Variants in TPCN1 observed in about 807,000 individuals in gnomAD.
TPCN1 encodes two pore channel protein 1.
Under a neutral mutation model 108.8 loss-of-function variants are expected in TPCN1, and 52 were observed. That is an observed-to-expected ratio of 0.48 (90% CI 0.38 to 0.60). TPCN1 has a LOEUF of 0.60. TPCN1 is among the 20% of genes least tolerant of loss of function. The probability of loss-of-function intolerance (pLI) is 0.00; values close to 1 mark genes in which losing one functional copy is unlikely to be tolerated. For synonymous variants in TPCN1, 446 were observed against 433.7 expected, an observed-to-expected ratio of 1.03 and a Z score of -0.35; for missense variants, 806 against 1,072.8, an observed-to-expected ratio of 0.75 and a Z score of 3.47.
intron 2 of TPCN1, among the ~76,000 whole-genome samples, chr12:113,244,966 A>C (rs576814385): frequency 6.6e-6 from 1 of 152,228 alleles, no homozygotes. Flanking sequence ...GTGTGTGTTT[A>C]AGAAAATGAG....
In TPCN1 at chr12:113,277,298, G is replaced by A. The variant is rs776892591; in HGVS notation, c.1118G>A (p.Arg373Gln). 1.9e-5 allele frequency: 31 copies of A among 1,614,120 alleles called. No individual in the cohort carries two copies. The highest frequency in any genetic ancestry group is 3.3e-5 in the Admixed American group (2 of 60,020). The change falls in exon 12 of 28, where the codon CGG becomes CAG. Residue 373 changes from arginine (R) to glutamine (Q), a missense_variant. By Grantham distance (43) the Arg-to-Gln change is conservative (BLOSUM62 1). Coordinates refer to ENST00000335509, the MANE Select transcript of TPCN1 (RefSeq NM_017901.6). ...GGCCTCATGCGCTTCTACAAGCCCC[G>A]GATGAGTGCCAGGGAGCGCTATCTT... ...FEGLMRFYKP[R>Q]MSARERYLTF...
At chr12:113,260,762 C>T (rs1378541678) in intron 3 of TPCN1, among the ~76,000 whole-genome samples, 2 of 152,250 alleles carry the variant, frequency 1.3e-5, no homozygotes, top group African/African-American at 4.8e-5. Context: ...CCCTGCCACC[C>T]TCCCTCTTCT....
At chr12:113,246,172 T>C (rs1287527977) in intron 2 of TPCN1, 2 of 393,578 alleles carry the variant, frequency 5.1e-6, no homozygotes, top group African/African-American at 4.1e-5. Context: ...CAGCTGTTTC[T>C]TTCCACTCCT....
intron 7 of TPCN1, among the ~76,000 whole-genome samples, chr12:113,270,811 A>G (rs1464727123): frequency 6.6e-6 from 1 of 152,004 alleles, no homozygotes; most frequent in Non-Finnish European, 1.5e-5. Context: ...CACTAATCCC[A>G]TTCGGGAGGA....
At chr12:113,278,993 G>C (rs1022318609) in intron 14 of TPCN1, among the ~76,000 whole-genome samples, 158 bp downstream of exon 14, 2 of 151,606 alleles carry the variant, frequency 1.3e-5, no homozygotes, top group African/African-American at 2.4e-5. Context: ...ACCCCAGCAG[G>C]GACGTAAGGG....
intron 2 of TPCN1, among the ~76,000 whole-genome samples, chr12:113,235,575 T>C (rs917179512): frequency 1.3e-5 from 2 of 152,192 alleles, no homozygotes; most frequent in African/African-American, 4.8e-5. Context: ...GTCACTTTCT[T>C]GTCAACTGAA....
At chr12:113,249,931 C>T (rs186600619) in intron 2 of TPCN1, 1 of 152,396 alleles carries the variant, frequency 6.6e-6, no homozygotes, top group East Asian at 1.9e-4. Flanking sequence ...GCTTCTGTCC[C>T]ATCACCCTTC....
intron 14 of TPCN1, among the ~76,000 whole-genome samples, chr12:113,279,789 G>GA (rs1218735009): frequency 1.3e-5 from 2 of 152,134 alleles, no homozygotes; most frequent in Non-Finnish European, 2.9e-5. Flanking sequence ...TGTAAAGTTT[G>GA]AAAATTTGAA....
intron 2 of TPCN1, among the ~76,000 whole-genome samples, chr12:113,258,356 C>T (rs559013535): frequency 6.6e-6 from 1 of 152,230 alleles, no homozygotes; most frequent in South Asian, 2.1e-4. Flanking sequence ...ATCCCAGCTG[C>T]TCGGGAGGCT....
In TPCN1 at chr12:113,273,120, G is replaced by C; in HGVS notation, c.784-112G>C. The stretch of plus-strand genomic sequence containing the variant: ...TCTGCCTCCCTCAGGGATTCCTTGA[G>C]AGATGCAAGAGCGGTCAAGGCAGGG... On this transcript the variant is annotated intron_variant, in intron 8 of 27. Transcript: ENST00000335509. This position sits in a 1 kb window ranked among gnomAD's most constrained non-coding sequence, Gnocchi z 4.0. The C allele has an allele frequency of 1.1e-6, 1 of 916,218 alleles. No homozygotes were observed. The allele number at this position is 916,218 out of a possible 1,614,324, so 56.8% of individuals were successfully genotyped here.
At position 113,266,146 on chromosome 12, in the gene TPCN1, G is replaced by A. The variant is rs1955251582; in HGVS notation, c.238-34G>A. 1 of 1,610,386 alleles carries A rather than the reference G, an allele frequency of 6.2e-7. No homozygotes were observed. The highest frequency in any genetic ancestry group is 1.7e-5 in the Admixed American group (1 of 59,802). ...CTCTTTGGCGTTGGATGGGTCTCCA[G>A]GCTTACATGCCCACACTACTCTCAT... is the stretch of plus-strand genomic sequence containing the variant. On this transcript the variant is annotated intron_variant, in intron 3 of 27. Coordinates refer to ENST00000335509, the MANE Select transcript of TPCN1 (RefSeq NM_017901.6). The surrounding 1 kb of genome is among the most constrained non-coding windows in gnomAD (Gnocchi z 4.2).
rs540778136 is a variant in TPCN1, at chr12:113,287,862, G to T, written c.1635-301G>T. On this transcript the variant is annotated intron_variant, in intron 19 of 27. Transcript: ENST00000335509. ...TCTCCCCGCTCTTTCCCAGGAGCAA[G>T]GCCTTGCTCCTGTCTGAGCCTGCAG... Among the ~76,000 whole-genome samples, 404 of 152,336 alleles carry T rather than the reference G, an allele frequency of 2.7e-3. 4 individuals are homozygous for T. Among genetic ancestry groups the T allele is most frequent in the Non-Finnish European group, 1.6e-3 (107 of 68,022 alleles).
At chr12:113,226,650 T>C (rs1953481050) in intron 1 of TPCN1, 78 bp from the exon 2 acceptor site, 1 of 1,175,594 alleles carries the variant, frequency 8.5e-7, no homozygotes, top group East Asian at 2.6e-5. Flanking sequence ...ATCACCACTA[T>C]CTAATTTCAG....
intron 2 of TPCN1, chr12:113,244,836 A>G (rs1459313774): frequency 1.1e-6 from 1 of 899,654 alleles, no homozygotes; most frequent in Non-Finnish European, 1.3e-6. Context: ...GGGGATTAAG[A>G]TCGTGAACTG....
At chr12:113,226,015 T>C (rs190459435) in intron 1 of TPCN1, among the ~76,000 whole-genome samples, 113 of 151,944 alleles carry the variant, frequency 7.4e-4, no homozygotes, top group African/African-American at 2.6e-3. Context: ...ATTTTATTTA[T>C]TTATTTATTT....
At chr12:113,283,769 G>T (rs1282284095) in intron 15 of TPCN1, among the ~76,000 whole-genome samples, 1 of 152,002 alleles carries the variant, frequency 6.6e-6, no homozygotes, top group African/African-American at 2.4e-5. Context: ...GACCTCCTGG[G>T]TTCAAACGAT....
chr12:113,269,981 A>G lies in TPCN1; in HGVS notation c.748+136A>G. ...GGAGGCCAAGGTGGGTGGGTAACCT[A>G]GGTCAGGAGTTTGAGGCCAGCCTGG... On this transcript the variant is annotated intron_variant, in intron 7 of 27. Transcript: ENST00000335509. The surrounding 1 kb of genome is among the most constrained non-coding windows in gnomAD (Gnocchi z 5.0). 1 of 860,794 alleles carries G rather than the reference A, an allele frequency of 1.2e-6. No individual in the cohort carries two copies. The highest frequency in any genetic ancestry group is 2.5e-5 in the East Asian group (1 of 40,090). The allele number at this position is 860,794 out of a possible 1,614,324, so 53.3% of individuals were successfully genotyped here. A position where few individuals can be genotyped will look rare whatever the true frequency, so the allele number is the denominator to read the frequency against.
rs1017801292 is a variant in TPCN1, at chr12:113,287,721, C to G, written c.1635-442C>G. Among the ~76,000 whole-genome samples the G allele has an allele frequency of 3.3e-5, 5 of 152,180 alleles. No homozygotes were observed. In the East Asian group the frequency reaches 9.7e-4, roughly 29 times the overall value. On this transcript the variant is annotated intron_variant, in intron 19 of 27. Transcript: ENST00000335509. ...GCGTCTATGGAGGAAAAGCCTACCCCCTTGGCGTGTGGGGGTGGCCTGGGG... is the reference window on the plus strand; with the variant it reads ...GCGTCTATGGAGGAAAAGCCTACCCGCTTGGCGTGTGGGGGTGGCCTGGGG...
In TPCN1 at chr12:113,266,416, G is replaced by T. The variant is rs1955264289; in HGVS notation, c.414+60G>T. 1 of 1,578,358 alleles carries T rather than the reference G, an allele frequency of 6.3e-7. No individual in the cohort carries two copies. On this transcript the variant is annotated intron_variant, in intron 4 of 27. Transcript: ENST00000335509. This position sits in a 1 kb window ranked among gnomAD's most constrained non-coding sequence, Gnocchi z 4.2. ...AGCCACGGCTTTCAGGGCAAGCGAT[G>T]GAACTCCAAAAAGGAACATTCTGGG...
Sources: gnomAD v4.1 joint callset for allele counts (sites outside exome capture counted in the v4.1 genomes callset) on GRCh38, gnomAD v4.1.1 for gene constraint, Gnocchi (gnomAD v3.1) non-coding constraint, MANE v1.5 for transcripts, NCBI Gene and HGNC (gene_info 2026-07-23, HGNC 2026-07-21) for gene names.